Variants in BTBD9 observed in about 807,000 individuals in gnomAD.
The protein encoded by BTBD9 is BTB domain containing 9, also known as BTB/POZ domain-containing protein 9.
BTBD9 carries 49 observed loss-of-function variants against 64.3 expected under a neutral mutation model. The ratio of observed to expected loss-of-function variants is 0.76; its 90% confidence interval spans 0.61 to 0.97. The LOEUF (loss-of-function observed/expected upper bound fraction) is 0.97, where lower values mean the gene tolerates loss of function less well. Among genes scored for constraint, BTBD9 ranks in the 50% least tolerant of loss-of-function variants. The pLI is 0.00. For synonymous variants in BTBD9, 260 were observed against 274.7 expected (o/e 0.95, Z 0.53); for missense variants, 598 against 762.1 (o/e 0.78, Z 2.53).
chr6:38,596,845 T>C (rs927500961), intron 2 of BTBD9, among the ~76,000 whole-genome samples: 1 of 149,720 alleles, frequency 6.7e-6, no homozygotes, highest in African/African-American at 2.4e-5. Context: ...ACTTTAATAG[T>C]AATGACTGGA....
At chr6:38,507,516 C>T (rs892401668) in intron 6 of BTBD9, among the ~76,000 whole-genome samples, 1 of 152,222 alleles carries the variant, frequency 6.6e-6, no homozygotes, top group African/African-American at 2.4e-5. Context: ...TCCAACTGCT[C>T]TCCCTTCTGA....
At chr6:38,528,327 T>C (rs1364972146) in intron 6 of BTBD9, among the ~76,000 whole-genome samples, 1 of 152,126 alleles carries the variant, frequency 6.6e-6, no homozygotes, top group Non-Finnish European at 1.5e-5. Flanking sequence ...GGGCCTTCAA[T>C]GAACTGGAAA....
At chr6:38,414,278 A>G (rs1053616526) in intron 6 of BTBD9, among the ~76,000 whole-genome samples, 2 of 152,114 alleles carry the variant, frequency 1.3e-5, no homozygotes, top group African/African-American at 4.8e-5. Flanking sequence ...CTGGAATAGG[A>G]AGACATCCAT....
intron 6 of BTBD9, among the ~76,000 whole-genome samples, chr6:38,374,915 G>GCAGT (rs1765623773): frequency 6.6e-6 from 1 of 152,196 alleles, no homozygotes; most frequent in East Asian, 1.9e-4. Flanking sequence ...AAAACAGAAG[G>GCAGT]CAGTCACTAG....
chr6:38,374,292 T>TATAC (rs1554143539), intron 6 of BTBD9, among the ~76,000 whole-genome samples: 7 of 77,490 alleles, frequency 9.0e-5, no homozygotes, highest in African/African-American at 2.6e-4. Flanking sequence ...AGTATATATA[T>TATAC]ATATGTATAT....
intron 8 of BTBD9, among the ~76,000 whole-genome samples, chr6:38,282,039 G>A (rs576093196): frequency 3.3e-5 from 5 of 152,112 alleles, no homozygotes; most frequent in Non-Finnish European, 7.4e-5. Flanking sequence ...CACTAAAAAG[G>A]ATATCACAAT....
At chr6:38,312,673 C>T (rs1241431833) in intron 7 of BTBD9, among the ~76,000 whole-genome samples, 2 of 152,242 alleles carry the variant, frequency 1.3e-5, no homozygotes, top group African/African-American at 4.8e-5. Flanking sequence ...ACCTTTTCTC[C>T]GGTATATATT....
rs556603245 is a variant in BTBD9 at position 38,218,554 on chromosome 6, A to C, written c.1563-25957T>G. On this transcript the variant is annotated intron_variant, in intron 9 of 10. Transcript: ENST00000481247. Reference sequence around the variant, plus strand: ...CCTGGGATTTCTTATCCTGACTTTCACTCATTTCTACTTTAGATCCCTTCC... The same window carrying C: ...CCTGGGATTTCTTATCCTGACTTTCCCTCATTTCTACTTTAGATCCCTTCC... 2.0e-5 allele frequency among the ~76,000 whole-genome samples: 3 copies of C among 152,132 alleles called. No individual in the cohort carries two copies. In the South Asian group the frequency reaches 6.2e-4, roughly 32 times the overall value.
intron 1 of BTBD9, among the ~76,000 whole-genome samples, chr6:38,627,900 TAAC>T (rs994977556): frequency 1.3e-5 from 2 of 152,094 alleles, no homozygotes; most frequent in Non-Finnish European, 2.9e-5. Context: ...GGATCAATAA[TAAC>T]TAGAAAATTT....
chr6:38,526,407 C>A (rs755388049), intron 6 of BTBD9, among the ~76,000 whole-genome samples: 12 of 152,226 alleles, frequency 7.9e-5, no homozygotes, highest in South Asian at 2.1e-4. Context: ...AGGGGCAGAG[C>A]CCTCATGGAG....
chr6:38,177,652 T>C (rs1390576608), intron 10 of BTBD9, among the ~76,000 whole-genome samples: 1 of 152,234 alleles, frequency 6.6e-6, no homozygotes, highest in Non-Finnish European at 1.5e-5. Context: ...GAAGAGATGC[T>C]GTCTGTGGTG....
chr6:38,472,433 C>A (rs887361072), intron 6 of BTBD9, among the ~76,000 whole-genome samples: 3 of 152,028 alleles, frequency 2.0e-5, no homozygotes, highest in Admixed American at 1.3e-4. Context: ...GCAAGTGCAA[C>A]TGTGTCAGGC....
At chr6:38,413,280 A>C (rs1767519293) in intron 6 of BTBD9, among the ~76,000 whole-genome samples, 1 of 152,240 alleles carries the variant, frequency 6.6e-6, no homozygotes. Flanking sequence ...GAGCTGGATG[A>C]GGACAGACTG....
rs10647439 is a variant in BTBD9 at position 38,436,372 on chromosome 6, A to ATTTT, written c.1155-91283_1155-91280dup. 5.0e-3 allele frequency among the ~76,000 whole-genome samples: 592 copies of ATTTT among 118,286 alleles called. 15 individuals carry two copies. The highest frequency in any genetic ancestry group is 8.0e-3 in the Non-Finnish European group (479 of 59,536). 77.6% of individuals were successfully genotyped at this position (118,286 alleles called of 152,430 possible). ...AAGCAATAATATCTACCCCAATTCTATTTTTTTTTTTTTTTTTTTTGAGAC... is the reference window on the plus strand; with the variant it reads ...AAGCAATAATATCTACCCCAATTCTATTTTTTTTTTTTTTTTTTTTTTTTGAGAC... On this transcript the variant is annotated intron_variant, in intron 6 of 10. Transcript: ENST00000481247.
At position 38,564,677 on chromosome 6, in the gene BTBD9, T is replaced by A. The variant is rs111285958; in HGVS notation, c.1154+12923A>T. On this transcript the variant is annotated intron_variant, in intron 6 of 10. Transcript: ENST00000481247. ...GCCAAGGTGGGCGAATCATTAGGTC[T>A]GGAGATTGAGACCATCCTGGCTAAC... 7.0e-3 allele frequency among the ~76,000 whole-genome samples: 1,063 copies of A among 152,120 alleles called. 9 individuals are homozygous for A. Among genetic ancestry groups the A allele is most frequent in the African/African-American group, 0.024 (981 of 41,508 alleles).
At chr6:38,306,588 A>G (rs906151806) in intron 7 of BTBD9, among the ~76,000 whole-genome samples, 1 of 152,226 alleles carries the variant, frequency 6.6e-6, no homozygotes, top group Non-Finnish European at 1.5e-5. Context: ...TCTGAAAACA[A>G]TTTTACTGCT....
intron 1 of BTBD9, among the ~76,000 whole-genome samples, chr6:38,620,951 A>G (rs1029432037): frequency 6.6e-6 from 1 of 152,198 alleles, no homozygotes; most frequent in Non-Finnish European, 1.5e-5. Flanking sequence ...TCTAGCCTTA[A>G]GCCTTCCCAC....
chr6:38,220,194 C>T (rs1201030096), intron 9 of BTBD9, among the ~76,000 whole-genome samples: 1 of 152,148 alleles, frequency 6.6e-6, no homozygotes, highest in African/African-American at 2.4e-5. Context: ...CGTGCCCTCT[C>T]AGGGCACGGC....
At chr6:38,353,238 C>G (rs1177116276) in intron 6 of BTBD9, among the ~76,000 whole-genome samples, 1 of 152,158 alleles carries the variant, frequency 6.6e-6, no homozygotes, top group African/African-American at 2.4e-5. Context: ...TTCTTAGCAT[C>G]TGGAAAGAGG....
Sources: gnomAD v4.1 joint callset for allele counts (sites outside exome capture counted in the v4.1 genomes callset) on GRCh38, gnomAD v4.1.1 for gene constraint, MANE v1.5 for transcripts, NCBI Gene and HGNC (gene_info 2026-07-23, HGNC 2026-07-21) for gene names.